The following FRY variants were observed in gnomAD, a reference collection of about 807,000 sequenced individuals.
FRY encodes FRY microtubule binding protein, also known as protein furry homolog.
FRY carries 128 observed loss-of-function variants against 348.4 expected under a neutral mutation model. The ratio of observed to expected loss-of-function variants is 0.37; its 90% CI spans 0.32 to 0.43. The LOEUF (loss-of-function observed/expected upper bound fraction) is 0.43. FRY is among the 20% of genes least tolerant of loss of function. FRY has a pLI of 1.00. For synonymous variants in FRY, 1,370 were observed against 1,374.7 expected, an observed-to-expected ratio of 1.00 and a Z score of 0.08; for missense variants, 2,736 against 3,695.2, an observed-to-expected ratio of 0.74 and a Z score of 6.73.
intron 8 of FRY, among the ~76,000 whole-genome samples, chr13:32,133,545 A>G (rs1159409190): frequency 1.3e-5 from 2 of 152,190 alleles, no homozygotes; most frequent in Non-Finnish European, 2.9e-5. Flanking sequence ...TCTGGGAACT[A>G]TAGAGCTCAT....
chr13:32,173,304 G>A (rs2138220505), intron 18 of FRY, 63 bp from the exon 19 acceptor site: 1 of 1,238,428 alleles, frequency 8.1e-7, no homozygotes, highest in South Asian at 1.2e-5. Context: ...TGTAAAACAT[G>A]AGTGTATTCT....
intron 8 of FRY, among the ~76,000 whole-genome samples, chr13:32,133,768 C>CTTTTTTT (rs34413710): frequency 2.3e-3 from 204 of 89,274 alleles, no homozygotes; most frequent in South Asian, 4.2e-3. Flanking sequence ...TTCTTTCTTT[C>CTTTTTTT]TTTTTTTTTT....
At chr13:32,057,939 A>G (rs1336871960) in intron 1 of FRY, among the ~76,000 whole-genome samples, 2 of 150,162 alleles carry the variant, frequency 1.3e-5, no homozygotes, top group East Asian at 3.9e-4. Context: ...CAGCCTGGGC[A>G]ACAGAGCGAG....
rs774810572 is a variant in FRY at position 32,171,102 on chromosome 13, T to G, written c.1983T>G (p.Asp661Glu). The G allele has an allele frequency of 1.9e-6, 3 of 1,612,928 alleles. No homozygotes were observed. Among genetic ancestry groups the G allele is most frequent in the South Asian group, 2.2e-5 (2 of 91,054 alleles). ...LLVDFSDWRE[D>E]VLFGFTNFLL... ...TTGACTTCTCAGATTGGAGGGAAGA[T>G]GTACTATTTGGCTTTACCAACTTCC... The change falls in exon 18 of 61, where the codon GAT becomes GAG. Residue 661 changes from aspartate to glutamate, a missense_variant. Around this residue, in one of 9 missense-constraint regions of FRY, gnomAD observed 449 missense variants for 576.9 expected, o/e 0.78. Coordinates refer to ENST00000542859, the MANE Select transcript of FRY (RefSeq NM_023037.3).
intron 18 of FRY, among the ~76,000 whole-genome samples, chr13:32,172,014 A>G (rs1350142050): frequency 6.6e-6 from 1 of 151,940 alleles, no homozygotes; most frequent in Non-Finnish European, 1.5e-5. Context: ...TGGATGTGAT[A>G]TGGATGTGGA....
chr13:32,206,902 T>G (rs527782164), intron 31 of FRY, among the ~76,000 whole-genome samples: 94 of 152,332 alleles, frequency 6.2e-4, no homozygotes, highest in Non-Finnish European at 1.2e-3. Flanking sequence ...TCAGGTCCAC[T>G]GAACAAGAGC....
chr13:32,108,964 T>C (rs1484809595), intron 3 of FRY, among the ~76,000 whole-genome samples: 1 of 152,124 alleles, frequency 6.6e-6, no homozygotes, highest in Non-Finnish European at 1.5e-5. Flanking sequence ...GATGGGGCTG[T>C]ATGCATACCA....
chr13:32,274,627 CTGG>C (rs1389923936), intron 55 of FRY, among the ~76,000 whole-genome samples: 2 of 146,588 alleles, frequency 1.4e-5, no homozygotes, highest in Non-Finnish European at 3.0e-5. Context: ...TGGCGTGAAC[CTGG>C]GAGGGGGAGC....
chr13:32,138,049 T>C (rs1469464099), intron 11 of FRY, among the ~76,000 whole-genome samples: 1 of 152,170 alleles, frequency 6.6e-6, no homozygotes, highest in Non-Finnish European at 1.5e-5. Context: ...ATTAAGCTTT[T>C]AAGTACTCTG....
chr13:32,182,450 G>A (rs1016557127), intron 23 of FRY, among the ~76,000 whole-genome samples: 5 of 152,162 alleles, frequency 3.3e-5, no homozygotes, highest in Admixed American at 6.5e-5. Context: ...AAAAGGCTTT[G>A]TTTTAAAGTC....
At chr13:32,228,304 C>T in intron 39 of FRY, 152 bp from the exon 40 acceptor site, 1 of 744,948 alleles carries the variant, frequency 1.3e-6, no homozygotes, top group East Asian at 2.4e-5. Context: ...AACTGTCAGT[C>T]TCATTTAATC....
rs112422083 is a variant in FRY at position 32,143,165 on chromosome 13, C to T, written c.1180-4117C>T. Among the ~76,000 whole-genome samples, 529 of 152,244 alleles carry T rather than the reference C, an allele frequency of 3.5e-3. 2 individuals carry two copies. Among genetic ancestry groups the T allele is most frequent in the African/African-American group, 0.012 (516 of 41,526 alleles). On this transcript the variant is annotated intron_variant, in intron 11 of 60. Coordinates refer to ENST00000542859, the MANE Select transcript of FRY (RefSeq NM_023037.3). ...CATGTGCTATATTATGAAATTTGGA[C>T]ATTGTCCAGTAGGTGATTAGAAGCC...
intron 11 of FRY, among the ~76,000 whole-genome samples, chr13:32,146,959 A>G (rs1431611338): frequency 6.6e-6 from 1 of 152,234 alleles, no homozygotes; most frequent in Non-Finnish European, 1.5e-5. Context: ...ACTGATTCTC[A>G]TATTGGTGCT....
intron 3 of FRY, among the ~76,000 whole-genome samples, chr13:32,116,204 ATGTAT>A (rs1033346239): frequency 3.5e-4 from 54 of 152,206 alleles, no homozygotes; most frequent in African/African-American, 1.3e-3. Flanking sequence ...GGTTCTTGAT[ATGTAT>A]TTCCAGAGAT....
At chr13:32,183,376 T>TG (rs1189958792) in intron 24 of FRY, among the ~76,000 whole-genome samples, 2 of 152,238 alleles carry the variant, frequency 1.3e-5, no homozygotes, top group Non-Finnish European at 2.9e-5. Flanking sequence ...TGGCCAAGAA[T>TG]GTAATTTGTT....
At chr13:32,235,390 A>G (rs1886164979) in intron 42 of FRY, among the ~76,000 whole-genome samples, 2 of 152,338 alleles carry the variant, frequency 1.3e-5, no homozygotes, top group East Asian at 1.9e-4. Flanking sequence ...TTGAGAGGCC[A>G]TGGCGGGCAG....
chr13:32,090,331 A>G (rs1876204878), intron 2 of FRY, among the ~76,000 whole-genome samples: 1 of 141,266 alleles, frequency 7.1e-6, no homozygotes, highest in African/African-American at 2.7e-5. Context: ...AGCCTGGGCG[A>G]CAGAGCTGGA....
intron 1 of FRY, among the ~76,000 whole-genome samples, chr13:32,044,805 C>G (rs1872935466): frequency 6.6e-6 from 1 of 152,184 alleles, no homozygotes; most frequent in African/African-American, 2.4e-5. Context: ...CTGCTTCCAG[C>G]CTTTGGACAT....
chr13:32,069,649 A>C (rs558412825), intron 1 of FRY, among the ~76,000 whole-genome samples: 26 of 152,246 alleles, frequency 1.7e-4, no homozygotes, highest in Non-Finnish European at 2.9e-4. Context: ...AACACAGATG[A>C]ACTTTGAAGA....
Sources: gnomAD v4.1 joint callset for allele counts (sites outside exome capture counted in the v4.1 genomes callset) on GRCh38, gnomAD v4.1.1 for gene constraint, gnomAD v4.1.1 regional missense constraint, MANE v1.5 for transcripts, NCBI Gene and HGNC (gene_info 2026-07-23, HGNC 2026-07-21) for gene names.